LRRC7: variants seen among roughly 807,000 people sequenced by gnomAD.
LRRC7 encodes the protein leucine-rich repeat-containing protein 7.
Under a neutral mutation model 175.7 loss-of-function variants are expected in LRRC7, and 23 were observed. The observed-to-expected ratio is 0.13, with a 90% CI of 0.09 to 0.19. The LOEUF is 0.19. Ranked by LOEUF, LRRC7 falls within the 10% of genes least tolerant of loss-of-function variation. The pLI, the probability that LRRC7 is intolerant of heterozygous loss-of-function variation, is 1.00. For missense variants in LRRC7, 1,354 were observed against 1,904.7 expected (o/e 0.71, Z 5.38); for synonymous variants, 685 against 680.9 (o/e 1.01, Z -0.09).
At chr1:69,844,195 T>C (rs12408317) in intron 7 of LRRC7, among the ~76,000 whole-genome samples, 58,695 of 151,854 alleles carry the variant, frequency 0.39, 13,081 homozygotes, top group East Asian at 0.55. Flanking sequence ...ATTTTTTTTA[T>C]CGTGGTAAGA....
Position 69,788,735 on chromosome 1 carries a change from A to G in LRRC7, c.304-3308A>G, listed in dbSNP as rs1423525530. Among the ~76,000 whole-genome samples, 3 of 152,272 alleles carry G rather than the reference A, an allele frequency of 2.0e-5. No individual in the cohort carries two copies. In the East Asian group the frequency reaches 5.8e-4, roughly 29 times the overall value. On this transcript the variant is annotated intron_variant, in intron 3 of 26. Transcript: ENST00000651989. ...ACCTTTCCTAGAGATACTTCCATAAATCAACTCCAGCACCATCAACAATAA... is the reference window on the plus strand; with the variant it reads ...ACCTTTCCTAGAGATACTTCCATAAGTCAACTCCAGCACCATCAACAATAA...
intron 10 of LRRC7, among the ~76,000 whole-genome samples, chr1:69,993,029 A>C (rs1419002695): frequency 6.6e-6 from 1 of 152,200 alleles, no homozygotes; most frequent in South Asian, 2.1e-4. Context: ...CTACCAAGTC[A>C]CAAAAAACTT....
chr1:69,589,111 A>C (rs1646522403), intron 1 of LRRC7, among the ~76,000 whole-genome samples: 2 of 113,002 alleles, frequency 1.8e-5, no homozygotes, highest in African/African-American at 4.1e-5. Context: ...CACTTCATAA[A>C]AAGGGTGTGT....
chr1:69,947,017 G>T (rs1649393576), intron 8 of LRRC7, among the ~76,000 whole-genome samples: 1 of 152,042 alleles, frequency 6.6e-6, no homozygotes, highest in South Asian at 2.1e-4. Context: ...AGCAGAGGTT[G>T]CAGTGAGCTG....
intron 21 of LRRC7, among the ~76,000 whole-genome samples, chr1:70,041,101 T>C (rs979289422): frequency 6.6e-6 from 1 of 152,200 alleles, no homozygotes; most frequent in African/African-American, 2.4e-5. Flanking sequence ...TAGGGCTGAA[T>C]GCTCAGTGTA....
rs1667202855 is a variant in LRRC7 at position 70,144,085 on chromosome 1, T to C, written c.*22198T>C. On this transcript the variant is annotated 3_prime_UTR_variant, in exon 27 of 27. Coordinates refer to ENST00000651989, the MANE Select transcript of LRRC7 (RefSeq NM_001370785.2). ...TTTTAAATTTACTGAACCAGTGAAATTAATTACTGTCAGTTAATTTGCAAA... is the reference window on the plus strand; with the variant it reads ...TTTTAAATTTACTGAACCAGTGAAACTAATTACTGTCAGTTAATTTGCAAA... The C allele has an allele frequency of 6.6e-6, 1 of 152,154 alleles. No homozygotes were observed. The highest frequency in any genetic ancestry group is 2.4e-5 in the African/African-American group (1 of 41,464). The allele number at this position is 152,154 out of a possible 1,614,324, so 9.4% of individuals were successfully genotyped here. A position where few individuals can be genotyped will look rare whatever the true frequency, so the allele number is the denominator to read the frequency against.
intron 1 of LRRC7, among the ~76,000 whole-genome samples, chr1:69,612,337 A>G (rs1648901345): frequency 6.6e-6 from 1 of 152,082 alleles, no homozygotes; most frequent in Admixed American, 6.6e-5. Context: ...TATATTTTAT[A>G]TAACTTTCTA....
At chr1:70,024,945 T>A (rs1032525597) in intron 17 of LRRC7, among the ~76,000 whole-genome samples, 6 of 152,096 alleles carry the variant, frequency 3.9e-5, no homozygotes. Flanking sequence ...AAAATAGAAA[T>A]TATTTTGCCA....
In LRRC7 at chr1:70,128,280, T is replaced by C. The variant is rs144710592; in HGVS notation, c.*6393T>C. Among the ~76,000 whole-genome samples, 207 of 152,244 alleles carry C rather than the reference T, an allele frequency of 1.4e-3. No homozygotes were observed. Among genetic ancestry groups the C allele is most frequent in the African/African-American group, 4.2e-3 (174 of 41,564 alleles). ...CCCAGCATTTTTTCATTCTTTAAGCTAGCATAGATTTCACTGGGTGTAGAA... is the reference window on the plus strand; with the variant it reads ...CCCAGCATTTTTTCATTCTTTAAGCCAGCATAGATTTCACTGGGTGTAGAA... On this transcript the variant is annotated 3_prime_UTR_variant, in exon 27 of 27. Coordinates refer to ENST00000651989, the MANE Select transcript of LRRC7 (RefSeq NM_001370785.2).
chr1:69,766,687 A>G (rs1671657129), intron 3 of LRRC7, among the ~76,000 whole-genome samples: 1 of 152,126 alleles, frequency 6.6e-6, no homozygotes, highest in Admixed American at 6.6e-5. Flanking sequence ...CTGGATTGAA[A>G]AATCCAGCAA....
intron 7 of LRRC7, among the ~76,000 whole-genome samples, chr1:69,888,385 G>C (rs1460138118): frequency 2.0e-5 from 3 of 152,142 alleles, no homozygotes; most frequent in Non-Finnish European, 4.4e-5. Flanking sequence ...GATTTTCCAG[G>C]TGCGTCCGTC....
Position 70,126,559 on chromosome 1 carries a change from CT to C in LRRC7, c.*4673del, listed in dbSNP as rs546592179. 5.9e-5 allele frequency among the ~76,000 whole-genome samples: 9 copies of C among 152,254 alleles called. No homozygotes were observed. In the East Asian group the frequency reaches 1.7e-3, roughly 29 times the overall value. ...TTTTCCTTAGCAATACAACCACCTT[CT>C]GTTAAGAAAAGCATCTTGCCTTGGC... On this transcript the variant is annotated 3_prime_UTR_variant, in exon 27 of 27. Transcript: ENST00000651989.
intron 1 of LRRC7, among the ~76,000 whole-genome samples, chr1:69,644,642 C>T (rs1021223019): frequency 3.9e-5 from 6 of 151,972 alleles, no homozygotes; most frequent in South Asian, 2.1e-4. Flanking sequence ...TAAGCACACA[C>T]GTTCAAAAAA....
chr1:70,112,181 A>G (rs932731451), intron 26 of LRRC7, among the ~76,000 whole-genome samples: 3 of 152,214 alleles, frequency 2.0e-5, no homozygotes, highest in African/African-American at 7.2e-5. Context: ...TACTGTCAAC[A>G]ATAAGTCTAT....
intron 9 of LRRC7, among the ~76,000 whole-genome samples, chr1:69,983,760 C>G (rs947152047): frequency 6.6e-6 from 1 of 152,218 alleles, no homozygotes; most frequent in Non-Finnish European, 1.5e-5. Context: ...TGCTCCCTTT[C>G]TTTCCTGTCT....
rs375714913 is a variant in LRRC7, at chr1:70,038,336, A to G, written c.2512A>G (p.Arg838Gly). Reference sequence around the variant, plus strand: ...TAATCCTCTCTTAAGTTCGAAATCTAGAAGCACATCTTCGCATGGACGCAG... The same window carrying G: ...TAATCCTCTCTTAAGTTCGAAATCTGGAAGCACATCTTCGCATGGACGCAG... Reference protein sequence around the residue: ...NSNPLLSSKSRSTSSHGRRPL... With the variant: ...NSNPLLSSKSGSTSSHGRRPL... Residue 838 changes from arginine (R) to glycine (G), a missense_variant, in exon 21 of 27, where the codon AGA becomes GGA. Around this residue, in one of 4 missense-constraint regions of LRRC7, gnomAD observed 1,032 missense variants for 1,227.2 expected, o/e 0.84. Transcript: ENST00000651989. 3.7e-6 allele frequency: 6 copies of G among 1,614,022 alleles called. No homozygotes were observed. The highest frequency in any genetic ancestry group is 5.1e-6 in the Non-Finnish European group (6 of 1,180,000).
At chr1:70,041,787 A>T (rs1659920177) in intron 21 of LRRC7, among the ~76,000 whole-genome samples, 2 of 152,252 alleles carry the variant, frequency 1.3e-5, no homozygotes, top group Non-Finnish European at 2.9e-5. Context: ...GGTGTCCCAG[A>T]TCAATGGTTC....
intron 1 of LRRC7, among the ~76,000 whole-genome samples, chr1:69,587,008 G>A (rs1646429206): frequency 6.6e-6 from 1 of 152,060 alleles, no homozygotes; most frequent in South Asian, 2.1e-4. Context: ...CTGGCATTCA[G>A]TATACTTACC....
At chr1:70,015,096 A>C (rs904414721) in intron 13 of LRRC7, among the ~76,000 whole-genome samples, 1 of 152,076 alleles carries the variant, frequency 6.6e-6, no homozygotes, top group Non-Finnish European at 1.5e-5. Context: ...AATAACTTTT[A>C]GTTAGGAATA....
Sources: allele counts gnomAD v4.1 joint callset (sites outside exome capture counted in the v4.1 genomes callset), GRCh38; gene constraint gnomAD v4.1.1; regional missense constraint gnomAD v4.1.1; transcripts MANE v1.5; gene names NCBI Gene and HGNC (gene_info 2026-07-23, HGNC 2026-07-21).